Variants in CACNA1I observed in about 807,000 individuals in gnomAD.
CACNA1I encodes the protein voltage-dependent T-type calcium channel subunit alpha-1I.
CACNA1I carries 74 observed loss-of-function variants against 201.6 expected under a neutral mutation model. The observed-to-expected ratio is 0.37, with a 90% CI of 0.30 to 0.45. The LOEUF is 0.45. Among genes scored for constraint, CACNA1I ranks in the 20% least tolerant of loss-of-function variants. The pLI, the probability that CACNA1I is intolerant of heterozygous loss-of-function variation, is 1.00. For missense variants in CACNA1I, 2,346 were observed against 3,138.1 expected (o/e 0.75, Z 6.03); for synonymous variants, 1,431 against 1,345.2 (o/e 1.06, Z -1.40).
intron 4 of CACNA1I, among the ~76,000 whole-genome samples, chr22:39,634,070 T>TG (rs997521445): frequency 6.6e-6 from 1 of 152,204 alleles, no homozygotes; most frequent in Non-Finnish European, 1.5e-5. Flanking sequence ...CCAAGGCCTC[T>TG]GGGACAAGGG....
intron 1 of CACNA1I, among the ~76,000 whole-genome samples, chr22:39,592,158 G>A (rs1932829960): frequency 6.6e-6 from 1 of 152,198 alleles, no homozygotes; most frequent in Admixed American, 6.5e-5. Flanking sequence ...CCCGAGGCCT[G>A]TGTGCTTGGG....
rs3788561 is a variant in CACNA1I at position 39,592,590 on chromosome 22, G to A, written c.237-5561G>A. Among the ~76,000 whole-genome samples the A allele has an allele frequency of 1.2e-4, 18 of 152,328 alleles. No homozygotes were observed. The East Asian group carries it at 1.4e-3, about 11-fold the overall frequency. On this transcript the variant is annotated intron_variant, in intron 1 of 36. Transcript: ENST00000402142. ...GGCAGCTGGGCCTTGGATGCCCGTCGCAGGGCTTCAAGCCTCGCTGTGAGA... is the reference window on the plus strand; with the variant it reads ...GGCAGCTGGGCCTTGGATGCCCGTCACAGGGCTTCAAGCCTCGCTGTGAGA...
rs12169701 is a variant in CACNA1I, at chr22:39,658,077, G to A, written c.1993-75G>A. Reference sequence around the variant, plus strand: ...GACCTGCCAGGGTCACACAGCCAGGGTGGGTGTCCAGAGGGGATCCACAGC... The same window carrying A: ...GACCTGCCAGGGTCACACAGCCAGGATGGGTGTCCAGAGGGGATCCACAGC... On this transcript the variant is annotated intron_variant, in intron 10 of 36. Coordinates refer to ENST00000402142, the MANE Select transcript of CACNA1I (RefSeq NM_021096.4). The A allele has an allele frequency of 1.1e-3, 1,636 of 1,496,198 alleles. 17 individuals carry two copies. The African/African-American group carries it at 0.02, about 18-fold the overall frequency. 92.7% of individuals were successfully genotyped at this position (1,496,198 alleles called of 1,614,324 possible).
At chr22:39,579,874 T>C (rs1473064978) in intron 1 of CACNA1I, among the ~76,000 whole-genome samples, 2 of 152,182 alleles carry the variant, frequency 1.3e-5, no homozygotes, top group Admixed American at 1.3e-4. Flanking sequence ...GTCTGGAACT[T>C]CTGACCTCAA....
chr22:39,589,187 C>A (rs1379163022), intron 1 of CACNA1I, among the ~76,000 whole-genome samples: 1 of 152,214 alleles, frequency 6.6e-6, no homozygotes, highest in African/African-American at 2.4e-5. Context: ...TTGAAAACCA[C>A]CACCCTACCC....
chr22:39,664,248 T>C, intron 20 of CACNA1I, 89 bp downstream of exon 20: 14 of 1,088,044 alleles, frequency 1.3e-5, no homozygotes, highest in Non-Finnish European at 1.9e-5. Context: ...GTCACTCGCC[T>C]GCCATCGGCT....
chr22:39,586,493 A>AAAATAAATAAAT (rs368933585), intron 1 of CACNA1I, among the ~76,000 whole-genome samples: 230 of 151,190 alleles, frequency 1.5e-3, no homozygotes, highest in African/African-American at 5.3e-3. Context: ...CTCCGTCTCT[A>AAAATAAATAAAT]AAATAAATAA....
At chr22:39,594,743 T>C (rs1429983454) in intron 1 of CACNA1I, among the ~76,000 whole-genome samples, 3 of 151,610 alleles carry the variant, frequency 2.0e-5, no homozygotes, top group Non-Finnish European at 4.4e-5. Flanking sequence ...GGCTTTGAAA[T>C]GGAGGGGTGA....
chr22:39,649,722 A>C lies in CACNA1I; in HGVS notation c.1789A>C (p.Ser597Arg), dbSNP rs369347360. 72 of 1,542,440 alleles carry C rather than the reference A, an allele frequency of 4.7e-5. No homozygotes were observed. The highest frequency in any genetic ancestry group is 9.8e-5 in the Admixed American group (5 of 50,900). ...GGCGGATGGGGACGGGGCCCGGAGC[A>C]GCGAGGACGGAGCCTCCTCAGAACT... ...DEADGDGARS[S>R]EDGASSELGK... Residue 597 changes from serine (S) to arginine (R), a missense_variant, in exon 10 of 37, where the codon AGC becomes CGC. By Grantham distance (110) the Ser-to-Arg change is moderately radical. Coordinates refer to ENST00000402142, the MANE Select transcript of CACNA1I (RefSeq NM_021096.4). This position sits in a 1 kb window ranked among gnomAD's most constrained non-coding sequence, Gnocchi z 7.3.
chr22:39,625,157 C>T (rs1307864265), intron 4 of CACNA1I, among the ~76,000 whole-genome samples: 2 of 152,050 alleles, frequency 1.3e-5, no homozygotes, highest in East Asian at 1.9e-4. Flanking sequence ...CCACCCGTCT[C>T]GGTCTCCCAA....
In CACNA1I at chr22:39,684,714, C is replaced by G. The variant is rs1935807078; in HGVS notation, c.6027+216C>G. On this transcript the variant is annotated intron_variant, in intron 36 of 36. Coordinates refer to ENST00000402142, the MANE Select transcript of CACNA1I (RefSeq NM_021096.4). This position sits in a 1 kb window ranked among gnomAD's most constrained non-coding sequence, Gnocchi z 4.6. ...AGTGGGCGGGGCTGGGTCCTGGGGA[C>G]AGCAGAGTGTGGGGAGGACCCCAAG... The G allele has an allele frequency of 3.2e-6, 2 of 616,640 alleles. No homozygotes were observed. The highest frequency in any genetic ancestry group is 1.9e-5 in the South Asian group (1 of 51,308). 38.2% of individuals were successfully genotyped at this position (616,640 alleles called of 1,614,324 possible).
intron 1 of CACNA1I, among the ~76,000 whole-genome samples, chr22:39,592,207 A>T (rs1207279043): frequency 6.6e-6 from 1 of 152,170 alleles, no homozygotes; most frequent in African/African-American, 2.4e-5. Context: ...TGATTGCATC[A>T]CCATTGATCT....
Position 39,659,914 on chromosome 22 carries a change from G to A in CACNA1I, c.2604+62G>A. The A allele has an allele frequency of 6.3e-7, 1 of 1,596,356 alleles. No individual in the cohort carries two copies. Among genetic ancestry groups the A allele is most frequent in the Non-Finnish European group, 8.6e-7 (1 of 1,165,464 alleles). On this transcript the variant is annotated intron_variant, in intron 14 of 36. Coordinates refer to ENST00000402142, the MANE Select transcript of CACNA1I (RefSeq NM_021096.4). This position sits in a 1 kb window ranked among gnomAD's most constrained non-coding sequence, Gnocchi z 4.3. ...GGTCTGCGAAAGACTGGGCGAGGGA[G>A]AGGTGGCCTGGATGGGGGAGGGCTG...
rs116872141 is a variant in CACNA1I at position 39,605,754 on chromosome 22, C to T, written c.482+5101C>T. ...CTGTATGTCACACTGAGGGACAGAC[C>T]TGGGGTAGGTAAGAGCTGGCCAGGC... On this transcript the variant is annotated intron_variant, in intron 3 of 36. Transcript: ENST00000402142. Among the ~76,000 whole-genome samples the T allele has an allele frequency of 6.6e-4, 100 of 152,040 alleles. No homozygotes were observed. The East Asian group carries it at 0.017, about 26-fold the overall frequency.
At chr22:39,601,916 T>TCCCTCCCTCCTTC (rs374163236) in intron 3 of CACNA1I, among the ~76,000 whole-genome samples, 1 of 28,432 alleles carries the variant, frequency 3.5e-5, no homozygotes, top group East Asian at 4.8e-4. Context: ...CCTCCCTCCC[T>TCCCTCCCTCCTTC]CCTTCCTTCC....
intron 1 of CACNA1I, among the ~76,000 whole-genome samples, chr22:39,581,976 C>T (rs1932566731): frequency 6.6e-6 from 1 of 152,126 alleles, no homozygotes; most frequent in Admixed American, 6.5e-5. Context: ...AGTGCACTTC[C>T]AAGCAGGAGG....
chr22:39,671,338 G>A (rs1935371045), intron 26 of CACNA1I, among the ~76,000 whole-genome samples: 1 of 152,200 alleles, frequency 6.6e-6, no homozygotes, highest in Admixed American at 6.5e-5. Flanking sequence ...GATTTTATAG[G>A]TGAAGAGCCT....
At chr22:39,683,392 C>A (rs905126675) in intron 35 of CACNA1I, among the ~76,000 whole-genome samples, 12 of 152,138 alleles carry the variant, frequency 7.9e-5, no homozygotes, top group African/African-American at 2.9e-4. Context: ...GGTGGGGTGA[C>A]TTTCCTGGGC....
chr22:39,645,984 CAG>C (rs890057761), intron 7 of CACNA1I, among the ~76,000 whole-genome samples: 4 of 152,222 alleles, frequency 2.6e-5, no homozygotes, highest in African/African-American at 9.6e-5. Context: ...GGCAAGGACT[CAG>C]GGCCTGGGAA....
Sources: allele counts gnomAD v4.1 joint callset (sites outside exome capture counted in the v4.1 genomes callset), GRCh38; gene constraint gnomAD v4.1.1; non-coding constraint Gnocchi (gnomAD v3.1); transcripts MANE v1.5; gene names NCBI Gene and HGNC (gene_info 2026-07-23, HGNC 2026-07-21).